KRT78: variants seen among roughly 807,000 people sequenced by gnomAD.
KRT78 encodes keratin 78, also known as keratin, type II cytoskeletal 78.
In KRT78, 55 loss-of-function variants were observed where a neutral mutation model predicts 51.4. That is an observed-to-expected ratio of 1.07 (90% CI 0.86 to 1.34). The LOEUF is 1.34. Ranked by LOEUF, KRT78 falls within the 40% of genes most tolerant of loss-of-function variation. The probability of loss-of-function intolerance (pLI) is 0.00; values close to 1 mark genes in which losing one functional copy is unlikely to be tolerated. For synonymous variants in KRT78, 291 were observed against 264.3 expected (o/e 1.10, Z -0.98); for missense variants, 652 against 649.4 (o/e 1.00, Z -0.04).
intron 6 of KRT78, among the ~76,000 whole-genome samples, chr12:52,842,937 AAGAGAGAGAGAG>A (rs35721226): frequency 3.7e-4 from 38 of 103,670 alleles, no homozygotes; most frequent in African/African-American, 2.3e-3. Flanking sequence ...GAAAGAAAGA[AAGAGAGAGAGAG>A]AGAGAGAGAG....
chr12:52,844,619 G>C lies in KRT78; in HGVS notation c.861C>G (p.Ala287=). The change falls in exon 5 of 9, where the codon GCC becomes GCG. Residue 287 remains alanine, a synonymous_variant. Transcript: ENST00000304620. ...TGCTCCGGGCGATCTCCTCGTACCG[G>C]GCGCGGACCTCAGTGATGATGCTGC... ...DFSSIITEVR[A]RYEEIARSSK... 1 of 1,614,150 alleles carries C rather than the reference G, an allele frequency of 6.2e-7. No individual in the cohort carries two copies. Among genetic ancestry groups the C allele is most frequent in the Non-Finnish European group, 8.5e-7 (1 of 1,180,018 alleles).
chr12:52,847,882 C>T, intron 2 of KRT78, 25 bp downstream of exon 2: 1 of 1,603,262 alleles, frequency 6.2e-7, no homozygotes, highest in Non-Finnish European at 8.5e-7. Context: ...GCCCACATGG[C>T]ATGGGGAAAT....
intron 8 of KRT78, 35 bp downstream of exon 8, chr12:52,839,418 T>C: frequency 1.2e-6 from 2 of 1,611,114 alleles, no homozygotes; most frequent in Non-Finnish European, 8.5e-7. Flanking sequence ...CAGCTCCCCA[T>C]GGGGATCCCA....
rs1940403519 is a variant in KRT78 at position 52,838,760 on chromosome 12, T to G, written c.*353A>C. 2 of 292,200 alleles carry G rather than the reference T, an allele frequency of 6.8e-6. No homozygotes were observed. Among genetic ancestry groups the G allele is most frequent in the Non-Finnish European group, 6.4e-6 (1 of 155,558 alleles). 18.1% of individuals were successfully genotyped at this position (292,200 alleles called of 1,614,324 possible). A position where few individuals can be genotyped will look rare whatever the true frequency, so the allele number is the denominator to read the frequency against. The stretch of plus-strand genomic sequence containing the variant: ...AGCACAGCTAAAACATCAGTGGAGT[T>G]GTGGGAGATGGAGGGCACCCCAAGG... On this transcript the variant is annotated 3_prime_UTR_variant, in exon 9 of 9. Transcript: ENST00000304620.
intron 4 of KRT78, among the ~76,000 whole-genome samples, chr12:52,844,928 T>C (rs933468999): frequency 2.0e-5 from 3 of 152,010 alleles, no homozygotes; most frequent in Non-Finnish European, 4.4e-5. Context: ...CTGAAGTCTC[T>C]TGCAGCTTGG....
chr12:52,839,055 C>T lies in KRT78; in HGVS notation c.*58G>A. The T allele has an allele frequency of 6.4e-7, 1 of 1,569,272 alleles. No homozygotes were observed. The highest frequency in any genetic ancestry group is 8.6e-7 in the Non-Finnish European group (1 of 1,161,208). Reference sequence around the variant, plus strand: ...CGGACACGGAGTTGGCCTTGCAGAGCCGGCTGATGGGGGGAGTGGGCCAAA... The same window carrying T: ...CGGACACGGAGTTGGCCTTGCAGAGTCGGCTGATGGGGGGAGTGGGCCAAA... On this transcript the variant is annotated 3_prime_UTR_variant, in exon 9 of 9. Coordinates refer to ENST00000304620, the MANE Select transcript of KRT78 (RefSeq NM_173352.4).
chr12:52,841,440 T>C (rs1940497038), intron 6 of KRT78, among the ~76,000 whole-genome samples: 1 of 149,822 alleles, frequency 6.7e-6, no homozygotes, highest in South Asian at 2.1e-4. Context: ...TGAGCCGAGA[T>C]CGCGCCACTG....
At chr12:52,844,044 GA>G in intron 6 of KRT78, 48 bp downstream of exon 6, 1 of 1,601,908 alleles carries the variant, frequency 6.2e-7, no homozygotes, top group Admixed American at 1.8e-5. Flanking sequence ...GAAGTGAGTT[GA>G]AGGCACAAAG....
chr12:52,843,390 GA>G (rs1402875513), intron 6 of KRT78, among the ~76,000 whole-genome samples: 1 of 127,046 alleles, frequency 7.9e-6, no homozygotes, highest in Non-Finnish European at 1.7e-5. Flanking sequence ...GAGAGAGAAA[GA>G]AAAAGAAAAG....
At position 52,844,694 on chromosome 12, in the gene KRT78, G is replaced by A. The variant is rs140722917; in HGVS notation, c.786C>T (p.Ser262=). ...EELGQLQTQA[S]DTSVVLSMDN... ...CCATGGACAGCACCACAGACGTGTC[G>A]CTGGCCTGGGTCTGGAGCTGGCCCA... Residue 262 remains serine, a synonymous_variant, in exon 5 of 9, where the codon AGC becomes AGT. Coordinates refer to ENST00000304620, the MANE Select transcript of KRT78 (RefSeq NM_173352.4). 39 of 1,612,878 alleles carry A rather than the reference G, an allele frequency of 2.4e-5. No homozygotes were observed. Among genetic ancestry groups the A allele is most frequent in the African/African-American group, 1.2e-4 (9 of 74,912 alleles).
intron 6 of KRT78, among the ~76,000 whole-genome samples, chr12:52,843,305 G>A (rs896785174): frequency 2.0e-5 from 3 of 150,872 alleles, no homozygotes; most frequent in Admixed American, 6.6e-5. Flanking sequence ...GGCAGAGGTT[G>A]TAGTGAGCCA....
chr12:52,841,918 A>G (rs894688007), intron 6 of KRT78, among the ~76,000 whole-genome samples: 2 of 152,324 alleles, frequency 1.3e-5, no homozygotes, highest in South Asian at 2.1e-4. Context: ...TCAAGACCAC[A>G]TGCTTCAGAA....
At chr12:52,840,518 C>T (rs796540198) in intron 6 of KRT78, among the ~76,000 whole-genome samples, 5 of 151,854 alleles carry the variant, frequency 3.3e-5, no homozygotes, top group South Asian at 4.2e-4. Context: ...CTGGCTAACA[C>T]GGTAAAACCC....
At position 52,848,242 on chromosome 12, in the gene KRT78, C is replaced by T. The variant is rs1486924345; in HGVS notation, c.385-121G>A. The T allele has an allele frequency of 5.2e-6, 8 of 1,543,922 alleles. No homozygotes were observed. In the African/African-American group the frequency reaches 5.5e-5, roughly 11 times the overall value. ...CCTTTCCCCTGTCCCCCTGCCCAAC[C>T]TGGGCAGGGGAAGCCTCATGACCTT... is the stretch of plus-strand genomic sequence containing the variant. On this transcript the variant is annotated intron_variant, in intron 1 of 8. Transcript: ENST00000304620.
intron 6 of KRT78, 125 bp downstream of exon 6, chr12:52,843,968 C>T: frequency 1.7e-6 from 2 of 1,145,620 alleles, no homozygotes; most frequent in Non-Finnish European, 2.5e-6. Context: ...AAAGCTCCAG[C>T]CAGTTATCAA....
At chr12:52,841,209 C>T (rs552270457) in intron 6 of KRT78, among the ~76,000 whole-genome samples, 19 of 152,068 alleles carry the variant, frequency 1.2e-4, no homozygotes, top group Non-Finnish European at 2.4e-4. Flanking sequence ...CTCTACCGGG[C>T]GCGGTGGCTC....
rs1940580592 is a variant in KRT78, at chr12:52,844,085, G to A, written c.1047+8C>T. On this transcript the variant is annotated splice_region_variant and intron_variant, in intron 6 of 8. Coordinates refer to ENST00000304620, the MANE Select transcript of KRT78 (RefSeq NM_173352.4). ...TGAGAGGACATTTGGGGGTCTCTGGGAATCTACCTGCTTCTTGAGGTTCTC... is the reference window on the plus strand; with the variant it reads ...TGAGAGGACATTTGGGGGTCTCTGGAAATCTACCTGCTTCTTGAGGTTCTC... 1 of 1,612,140 alleles carries A rather than the reference G, an allele frequency of 6.2e-7. No homozygotes were observed. Among genetic ancestry groups the A allele is most frequent in the Non-Finnish European group, 8.5e-7 (1 of 1,179,330 alleles).
chr12:52,848,164 C>A (rs758576828), intron 1 of KRT78, 43 bp from the exon 2 acceptor site: 1 of 1,599,034 alleles, frequency 6.3e-7, no homozygotes, highest in East Asian at 2.3e-5. Context: ...TGTGGGACTC[C>A]CTGTGCACAG....
chr12:52,842,072 G>A (rs538372063), intron 6 of KRT78, among the ~76,000 whole-genome samples: 1 of 152,328 alleles, frequency 6.6e-6, no homozygotes, highest in East Asian at 1.9e-4. Flanking sequence ...AAATTTGTTG[G>A]TGAAACATAG....
Sources: allele counts gnomAD v4.1 joint callset (sites outside exome capture counted in the v4.1 genomes callset), GRCh38; gene constraint gnomAD v4.1.1; transcripts MANE v1.5; gene names NCBI Gene and HGNC (gene_info 2026-07-23, HGNC 2026-07-21).